Variants in XYLT1 observed in about 807,000 individuals in gnomAD.
XYLT1 encodes the protein beta-D-xylosyltransferase 1.
XYLT1 carries 36 observed loss-of-function variants against 91.3 expected under a neutral mutation model. The ratio of observed to expected loss-of-function variants is 0.39; its 90% CI spans 0.30 to 0.52. The LOEUF (loss-of-function observed/expected upper bound fraction) is 0.52. Ranked by LOEUF, XYLT1 falls within the 20% of genes least tolerant of loss-of-function variation. XYLT1 has a pLI of 0.68. For synonymous variants in XYLT1, 588 were observed against 532.0 expected, an observed-to-expected ratio of 1.11 and a Z score of -1.45; for missense variants, 1,242 against 1,284.5, an observed-to-expected ratio of 0.97 and a Z score of 0.51.
chr16:17,287,621 G>A (rs931523797), intron 2 of XYLT1, among the ~76,000 whole-genome samples: 2 of 152,226 alleles, frequency 1.3e-5, no homozygotes, highest in African/African-American at 2.4e-5. Context: ...TTGCCTCTGG[G>A]GAGCCCTCCC....
chr16:17,172,585 C>T (rs548250696), intron 5 of XYLT1, among the ~76,000 whole-genome samples: 1 of 150,690 alleles, frequency 6.6e-6, no homozygotes, highest in Admixed American at 6.7e-5. Context: ...GATTATCCTG[C>T]CTCAGCCTCC....
intron 1 of XYLT1, among the ~76,000 whole-genome samples, chr16:17,414,455 G>A (rs1368781429): frequency 6.6e-6 from 1 of 152,040 alleles, no homozygotes; most frequent in Non-Finnish European, 1.5e-5. Flanking sequence ...TTTAGCCTCT[G>A]GAGTGGCTGG....
At chr16:17,302,713 T>C (rs563955697) in intron 2 of XYLT1, among the ~76,000 whole-genome samples, 17 of 152,202 alleles carry the variant, frequency 1.1e-4, no homozygotes, top group Admixed American at 5.9e-4. Context: ...AGTACACCCA[T>C]GCAGACTGCC....
At chr16:17,379,763 TCACA>T (rs71137987) in intron 1 of XYLT1, among the ~76,000 whole-genome samples, 82 of 125,620 alleles carry the variant, frequency 6.5e-4, no homozygotes, top group East Asian at 1.5e-3. Flanking sequence ...TCTCTCTCTC[TCACA>T]CACACACACA....
rs923302840 is a variant in XYLT1, at chr16:17,435,620, A to G, written c.363+34814T>C. 3.2e-4 allele frequency among the ~76,000 whole-genome samples: 48 copies of G among 149,716 alleles called. No individual in the cohort carries two copies. In the Admixed American group the frequency reaches 3.2e-3, roughly 10 times the overall value. ...GTAAATGCTTCCTGATGAGAAGGAA[A>G]AAAAAAAGTCTAAGGAGTCTTCATT... On this transcript the variant is annotated intron_variant, in intron 1 of 11. Coordinates refer to ENST00000261381, the MANE Select transcript of XYLT1 (RefSeq NM_022166.4).
chr16:17,354,082 G>A (rs1414173158), intron 2 of XYLT1, among the ~76,000 whole-genome samples: 1 of 152,198 alleles, frequency 6.6e-6, no homozygotes, highest in Non-Finnish European at 1.5e-5. Context: ...ATGCCACCTA[G>A]CCACTCACTG....
intron 1 of XYLT1, among the ~76,000 whole-genome samples, chr16:17,400,805 C>T (rs961092938): frequency 6.6e-6 from 1 of 151,902 alleles, no homozygotes. Flanking sequence ...GAAGGCCAGC[C>T]GGAGGAGGGG....
intron 2 of XYLT1, among the ~76,000 whole-genome samples, chr16:17,314,882 G>A (rs756651591): frequency 6.6e-6 from 1 of 152,312 alleles, no homozygotes. Flanking sequence ...GTCCTGGTAC[G>A]AGTTTGTCAG....
chr16:17,246,751 C>T (rs561611834), intron 3 of XYLT1, among the ~76,000 whole-genome samples: 18 of 152,194 alleles, frequency 1.2e-4, no homozygotes, highest in Admixed American at 2.0e-4. Flanking sequence ...CCCGTGCAGG[C>T]AGGGGCTGGA....
chr16:17,154,878 C>T (rs190197218), intron 6 of XYLT1, among the ~76,000 whole-genome samples: 24 of 152,282 alleles, frequency 1.6e-4, no homozygotes, highest in Admixed American at 1.0e-3. Context: ...CGAGGCACCC[C>T]GTGGCCTATT....
chr16:17,431,210 A>G (rs2036385600), intron 1 of XYLT1, among the ~76,000 whole-genome samples: 1 of 152,186 alleles, frequency 6.6e-6, no homozygotes, highest in Non-Finnish European at 1.5e-5. Flanking sequence ...TTATATAAAC[A>G]CTGAGCTGAC....
At chr16:17,132,909 ATAAC>A (rs2030549221) in intron 9 of XYLT1, among the ~76,000 whole-genome samples, 1 of 152,206 alleles carries the variant, frequency 6.6e-6, no homozygotes, top group African/African-American at 2.4e-5. Flanking sequence ...AGAGCACTGT[ATAAC>A]TAACTCATCA....
chr16:17,307,993 C>T (rs980429472), intron 2 of XYLT1, among the ~76,000 whole-genome samples: 1 of 152,170 alleles, frequency 6.6e-6, no homozygotes, highest in African/African-American at 2.4e-5. Context: ...GACTGCAGAT[C>T]CATTCCCCAC....
rs138094803 is a variant in XYLT1, at chr16:17,146,672, C to T, written c.1371-5303G>A. 1.0e-3 allele frequency among the ~76,000 whole-genome samples: 154 copies of T among 152,300 alleles called. 2 individuals are homozygous for T. The Middle Eastern group carries it at 0.024, about 24-fold the overall frequency. On this transcript the variant is annotated intron_variant, in intron 6 of 11. Coordinates refer to ENST00000261381, the MANE Select transcript of XYLT1 (RefSeq NM_022166.4). ...AGGATGAATCCAGCCCATAAGCCAT[C>T]GGTCCAGTCACAATAATCCTGGGTT...
At chr16:17,273,703 T>C (rs1408391592) in intron 2 of XYLT1, among the ~76,000 whole-genome samples, 2 of 151,678 alleles carry the variant, frequency 1.3e-5, no homozygotes, top group East Asian at 3.9e-4. Context: ...AATTAGCCAG[T>C]TGTAGTGGTG....
chr16:17,316,131 T>C (rs1421712371), intron 2 of XYLT1, among the ~76,000 whole-genome samples: 1 of 152,206 alleles, frequency 6.6e-6, no homozygotes, highest in Non-Finnish European at 1.5e-5. Context: ...GCACAGCTTT[T>C]ATCTGATCAA....
At chr16:17,381,727 G>T (rs201676873) in intron 1 of XYLT1, among the ~76,000 whole-genome samples, 1 of 151,900 alleles carries the variant, frequency 6.6e-6, no homozygotes. Context: ...GTGCCTGGTC[G>T]CAATATCTTA....
chr16:17,269,692 A>C (rs1208053271), intron 2 of XYLT1, among the ~76,000 whole-genome samples: 1 of 152,178 alleles, frequency 6.6e-6, no homozygotes, highest in East Asian at 1.9e-4. Flanking sequence ...TTTGAGTCAC[A>C]CATAGACCAA....
chr16:17,273,548 A>G lies in XYLT1; in HGVS notation c.403-14050T>C, dbSNP rs546953622. ...CCCCAAGCAATTCGTCTGCACATCA[A>G]AAATTGAGAAGTACGCCAGGCATGG... On this transcript the variant is annotated intron_variant, in intron 2 of 11. Transcript: ENST00000261381. 2.0e-5 allele frequency among the ~76,000 whole-genome samples: 3 copies of G among 152,278 alleles called. No individual in the cohort carries two copies. The South Asian group carries it at 6.2e-4, about 32-fold the overall frequency.
Sources: allele counts gnomAD v4.1 joint callset (sites outside exome capture counted in the v4.1 genomes callset), GRCh38; gene constraint gnomAD v4.1.1; transcripts MANE v1.5; gene names NCBI Gene and HGNC (gene_info 2026-07-23, HGNC 2026-07-21).